The following UNC13B variants were observed in gnomAD, a reference collection of about 807,000 sequenced individuals.
UNC13B encodes unc-13 homolog B, also known as protein unc-13 homolog B.
A neutral mutation model predicts 211.0 loss-of-function variants in UNC13B; 144 were observed. That is an observed-to-expected ratio of 0.68 (90% CI 0.60 to 0.78). UNC13B has a LOEUF of 0.78. Ranked by LOEUF, UNC13B falls within the 30% of genes least tolerant of loss-of-function variation. The pLI, the probability that UNC13B is intolerant of heterozygous loss-of-function variation, is 0.00. For synonymous variants in UNC13B, 709 were observed against 725.8 expected (o/e 0.98, Z 0.37); for missense variants, 1,777 against 2,002.0 (o/e 0.89, Z 2.14).
chr9:35,231,253 T>G, intron 3 of UNC13B, 34 bp downstream of exon 3: 1 of 1,351,622 alleles, frequency 7.4e-7, no homozygotes, highest in South Asian at 1.2e-5. Context: ...TGCCTACATA[T>G]TTTATAATCT....
chr9:35,172,508 C>G (rs968658835), intron 1 of UNC13B, among the ~76,000 whole-genome samples: 4 of 152,116 alleles, frequency 2.6e-5, no homozygotes, highest in Middle Eastern at 3.2e-3. Flanking sequence ...GGTGTAACTG[C>G]TCTGGATGAG....
At chr9:35,208,193 G>T (rs1823771870) in intron 1 of UNC13B, among the ~76,000 whole-genome samples, 2 of 152,128 alleles carry the variant, frequency 1.3e-5, no homozygotes, top group South Asian at 4.1e-4. Context: ...CCTGCTGTTT[G>T]TTCCTTATTC....
intron 1 of UNC13B, among the ~76,000 whole-genome samples, chr9:35,222,423 A>G (rs1017756888): frequency 2.0e-5 from 3 of 152,170 alleles, no homozygotes; most frequent in Non-Finnish European, 4.4e-5. Flanking sequence ...GCTGTTGTAC[A>G]TAGCATTTTT....
At chr9:35,354,922 A>C (rs1832932763) in intron 11 of UNC13B, among the ~76,000 whole-genome samples, 2 of 152,228 alleles carry the variant, frequency 1.3e-5, no homozygotes. Context: ...ACACATTTTC[A>C]CATGTGGAAG....
In UNC13B at chr9:35,386,233, C is replaced by G; in HGVS notation, c.11034C>G (p.Asn3678Lys). The G allele has an allele frequency of 1.9e-6, 3 of 1,614,208 alleles. No individual in the cohort carries two copies. The highest frequency in any genetic ancestry group is 3.3e-5 in the Admixed American group (2 of 60,022). The part of the protein sequence containing the change: ...VVKDCVKACL[N>K]STYEYIFNNC... ...AGGATTGTGTGAAGGCCTGTTTGAA[C>G]TCCACATATGAATATATCTTCAACA... The change falls in exon 24 of 40, where the codon AAC becomes AAG. Residue 3678 changes from asparagine to lysine, a missense_variant. Physicochemically the swap from Asn to Lys is moderately conservative, Grantham distance 94. Transcript: ENST00000635942.
chr9:35,336,688 A>G (rs1414270128), intron 11 of UNC13B, among the ~76,000 whole-genome samples: 1 of 152,066 alleles, frequency 6.6e-6, no homozygotes, highest in Non-Finnish European at 1.5e-5. Context: ...TAAAGGCACT[A>G]ATCCCATTCA....
chr9:35,180,213 G>A (rs540030758), intron 1 of UNC13B, among the ~76,000 whole-genome samples: 2 of 152,262 alleles, frequency 1.3e-5, no homozygotes, highest in African/African-American at 4.8e-5. Context: ...CTTTTGGTTT[G>A]AGAGAGACCT....
chr9:35,227,076 G>C (rs1824888952), intron 1 of UNC13B, among the ~76,000 whole-genome samples: 1 of 152,224 alleles, frequency 6.6e-6, no homozygotes, highest in Non-Finnish European at 1.5e-5. Context: ...AAGAACACCA[G>C]TTGGGAAGAG....
intron 1 of UNC13B, among the ~76,000 whole-genome samples, chr9:35,200,322 CTT>C (rs1823208470): frequency 1.3e-5 from 2 of 152,110 alleles, no homozygotes; most frequent in South Asian, 4.1e-4. Flanking sequence ...AATGCAGGCT[CTT>C]TTTTGGTTCC....
rs372407646 is a variant in UNC13B, at chr9:35,376,215, G to T, written c.9803G>T (p.Cys3268Phe). Reference protein sequence around the residue: ...SECGVKCHEKCQDLLNADCLQ... With the variant: ...SECGVKCHEKFQDLLNADCLQ... ...TGTGGAGTCAAGTGCCATGAGAAGT[G>T]CCAGGATCTGCTCAATGCTGACTGC... Residue 3268 changes from cysteine (C) to phenylalanine (F), a missense_variant, in exon 15 of 40, where the codon TGC becomes TTC. Cys to Phe is a radical substitution (Grantham distance 205, BLOSUM62 -2). Transcript: ENST00000635942. The T allele has an allele frequency of 1.9e-6, 3 of 1,614,032 alleles. No individual in the cohort carries two copies. Among genetic ancestry groups the T allele is most frequent in the Admixed American group, 1.7e-5 (1 of 60,030 alleles).
chr9:35,392,269 C>T (rs1026773323), intron 26 of UNC13B, among the ~76,000 whole-genome samples: 9 of 152,230 alleles, frequency 5.9e-5, no homozygotes, highest in Middle Eastern at 3.4e-3. Flanking sequence ...AATGTGAAGC[C>T]AGCAGTATTT....
chr9:35,248,228 A>G (rs945958598), intron 6 of UNC13B, among the ~76,000 whole-genome samples: 1 of 152,052 alleles, frequency 6.6e-6, no homozygotes, highest in African/African-American at 2.4e-5. Context: ...TACTGTGTCT[A>G]TTTGATTCTT....
intron 1 of UNC13B, among the ~76,000 whole-genome samples, chr9:35,177,946 A>G (rs574358114): frequency 6.6e-6 from 1 of 152,358 alleles, no homozygotes; most frequent in East Asian, 1.9e-4. Context: ...GATACGAAGC[A>G]TAGAAAGAAA....
At chr9:35,283,323 G>T (rs1334179814) in intron 7 of UNC13B, among the ~76,000 whole-genome samples, 1 of 151,974 alleles carries the variant, frequency 6.6e-6, no homozygotes, top group Non-Finnish European at 1.5e-5. Context: ...AATATTAGTT[G>T]AATAAATGCA....
chr9:35,380,354 TCTC>T (rs58058584), intron 17 of UNC13B, 113 bp from the exon 18 acceptor site: 183,922 of 1,133,302 alleles, frequency 0.16, 15,766 homozygotes, highest in Admixed American at 0.3. Context: ...TCCTCTGACT[TCTC>T]CTCTTTCAGG....
chr9:35,194,375 G>A (rs1822826390), intron 1 of UNC13B, among the ~76,000 whole-genome samples: 2 of 152,198 alleles, frequency 1.3e-5, no homozygotes. Context: ...GGTGGTCAGA[G>A]ACTGGGATCA....
Position 35,376,225 on chromosome 9 carries a change from G to T in UNC13B, c.9813G>T (p.Leu3271=), listed in dbSNP as rs1043874903. ...GVKCHEKCQD[L]LNADCLQRAA... ...AGTGCCATGAGAAGTGCCAGGATCTGCTCAATGCTGACTGCCTGCAGCGTG... is the reference window on the plus strand; with the variant it reads ...AGTGCCATGAGAAGTGCCAGGATCTTCTCAATGCTGACTGCCTGCAGCGTG... The change falls in exon 15 of 40, where the codon CTG becomes CTT. Residue 3271 remains leucine (L), a synonymous_variant. Coordinates refer to ENST00000635942, the MANE Select transcript of UNC13B (RefSeq NM_001371189.2). The T allele has an allele frequency of 1.2e-5, 19 of 1,613,728 alleles. No homozygotes were observed. The highest frequency in any genetic ancestry group is 1.6e-5 in the Non-Finnish European group (19 of 1,180,012).
At chr9:35,396,203 A>G (rs1282410062) in intron 26 of UNC13B, among the ~76,000 whole-genome samples, 1 of 152,220 alleles carries the variant, frequency 6.6e-6, no homozygotes, top group Non-Finnish European at 1.5e-5. Context: ...ATGCTAGAAC[A>G]AAAAGACCAC....
intron 11 of UNC13B, among the ~76,000 whole-genome samples, chr9:35,323,989 A>G (rs1045785711): frequency 2.0e-5 from 3 of 152,216 alleles, no homozygotes; most frequent in African/African-American, 7.2e-5. Flanking sequence ...GAATACTACT[A>G]TGTGTAGGCA....
Sources: gnomAD v4.1 joint callset for allele counts (sites outside exome capture counted in the v4.1 genomes callset) on GRCh38, gnomAD v4.1.1 for gene constraint, MANE v1.5 for transcripts, NCBI Gene and HGNC (gene_info 2026-07-23, HGNC 2026-07-21) for gene names.